Variants in EPB41L3 observed in about 807,000 individuals in gnomAD.
The protein encoded by EPB41L3 is erythrocyte membrane protein band 4.1 like 3.
In EPB41L3, 57 loss-of-function variants were observed where a neutral mutation model predicts 127.1. The ratio of observed to expected loss-of-function variants is 0.45; its 90% CI spans 0.36 to 0.56. EPB41L3 has a LOEUF of 0.56. Among genes scored for constraint, EPB41L3 ranks in the 20% least tolerant of loss-of-function variants. The pLI is 0.00. For synonymous variants in EPB41L3, 572 were observed against 549.5 expected, an observed-to-expected ratio of 1.04 and a Z score of -0.57; for missense variants, 1,273 against 1,372.2, an observed-to-expected ratio of 0.93 and a Z score of 1.14.
chr18:5,601,102 T>G (rs2094586227), intron 3 of EPB41L3, among the ~76,000 whole-genome samples: 1 of 152,082 alleles, frequency 6.6e-6, no homozygotes, highest in Non-Finnish European at 1.5e-5. Context: ...CTTTCCATGA[T>G]TCAGATATAT....
chr18:5,439,340 G>A (rs1402451702), intron 5 of EPB41L3, among the ~76,000 whole-genome samples: 1 of 152,032 alleles, frequency 6.6e-6, no homozygotes, highest in Non-Finnish European at 1.5e-5. Flanking sequence ...AATGACTTCT[G>A]GAAACTCCAT....
chr18:5,464,431 G>T (rs76791120), intron 3 of EPB41L3, among the ~76,000 whole-genome samples: 3 of 151,972 alleles, frequency 2.0e-5, no homozygotes, highest in Non-Finnish European at 4.4e-5. Context: ...TTCAAAATCT[G>T]GCCCCTAAAA....
chr18:5,465,429 T>C (rs910564300), intron 3 of EPB41L3, among the ~76,000 whole-genome samples: 3 of 152,368 alleles, frequency 2.0e-5, no homozygotes, highest in South Asian at 2.1e-4. Flanking sequence ...CGGTGTCTTA[T>C]ATATTATTAG....
At chr18:5,583,571 T>G (rs1215882119) in intron 3 of EPB41L3, among the ~76,000 whole-genome samples, 1 of 152,252 alleles carries the variant, frequency 6.6e-6, no homozygotes, top group Non-Finnish European at 1.5e-5. Flanking sequence ...CAGGAGCAAC[T>G]TCTTATTTCC....
intron 9 of EPB41L3, among the ~76,000 whole-genome samples, chr18:5,427,519 A>G (rs936742595): frequency 6.6e-6 from 1 of 152,160 alleles, no homozygotes; most frequent in African/African-American, 2.4e-5. Flanking sequence ...CAAACAAACA[A>G]ACAAACAAAC....
Position 5,433,909 on chromosome 18 carries a change from C to T in EPB41L3, c.818G>A (p.Ser273Asn). 6.2e-7 allele frequency: 1 copy of T among 1,614,234 alleles called. No individual in the cohort carries two copies. The highest frequency in any genetic ancestry group is 1.1e-5 in the South Asian group (1 of 91,084). ...ACACCTTTCTGCCTCTAACCTGTGGCTCTTGTGCAGCTCGATCACTTTGTC... is the reference window on the plus strand; with the variant it reads ...ACACCTTTCTGCCTCTAACCTGTGGTTCTTGTGCAGCTCGATCACTTTGTC... ...LEDKVIELHK[S>N]HRGMTPAEAE... Residue 273 changes from serine (S) to asparagine (N), a missense_variant, in exon 7 of 23, where the codon AGC becomes AAC. Coordinates refer to ENST00000341928, the MANE Select transcript of EPB41L3 (RefSeq NM_012307.5).
intron 3 of EPB41L3, among the ~76,000 whole-genome samples, chr18:5,593,183 T>C (rs2094502216): frequency 6.6e-6 from 1 of 151,356 alleles, no homozygotes; most frequent in African/African-American, 2.4e-5. Flanking sequence ...GATGCATAAT[T>C]CCCACCCACC....
At chr18:5,443,657 C>T (rs779256590) in intron 5 of EPB41L3, among the ~76,000 whole-genome samples, 181 bp downstream of exon 5, 2 of 152,204 alleles carry the variant, frequency 1.3e-5, no homozygotes, top group African/African-American at 2.4e-5. Context: ...CCAAGCATCA[C>T]GGTCCCTTTA....
intron 1 of EPB41L3, among the ~76,000 whole-genome samples, chr18:5,502,635 T>A (rs770062029): frequency 6.6e-6 from 1 of 152,112 alleles, no homozygotes; most frequent in East Asian, 1.9e-4. Context: ...GAGGAGAAGC[T>A]GAAAAGGAGG....
chr18:5,523,389 A>G (rs1243335209), intron 1 of EPB41L3, among the ~76,000 whole-genome samples: 1 of 152,242 alleles, frequency 6.6e-6, no homozygotes, highest in Non-Finnish European at 1.5e-5. Context: ...CAACACTCCA[A>G]ATTAGAAACA....
intron 1 of EPB41L3, among the ~76,000 whole-genome samples, chr18:5,495,172 A>C (rs2091031566): frequency 6.6e-6 from 1 of 152,236 alleles, no homozygotes; most frequent in Non-Finnish European, 1.5e-5. Flanking sequence ...CTTTTTGGCC[A>C]TGCTAAGTTC....
At chr18:5,545,965 G>T (rs1036793577), upstream of EPB41L3, among the ~76,000 whole-genome samples, 1 of 150,694 alleles carries the variant, frequency 6.6e-6, no homozygotes, top group African/African-American at 2.4e-5. Flanking sequence ...TTCCTTTTTT[G>T]CATGTACACT....
At chr18:5,568,488 A>G (rs550640447) in intron 3 of EPB41L3, among the ~76,000 whole-genome samples, 1 of 152,172 alleles carries the variant, frequency 6.6e-6, no homozygotes, top group African/African-American at 2.4e-5. Flanking sequence ...ACATCAAAGA[A>G]TCCTTTTGAA....
At chr18:5,625,067 C>T (rs1270927100) in intron 1 of EPB41L3, among the ~76,000 whole-genome samples, 2 of 152,002 alleles carry the variant, frequency 1.3e-5, no homozygotes, top group Non-Finnish European at 2.9e-5. Context: ...CTGTTGGGGC[C>T]TCGGGAGATC....
At chr18:5,618,907 T>C (rs557260207) in intron 1 of EPB41L3, among the ~76,000 whole-genome samples, 1 of 152,356 alleles carries the variant, frequency 6.6e-6, no homozygotes, top group South Asian at 2.1e-4. Context: ...TGAACCTCTC[T>C]CTGCAACTTC....
At chr18:5,534,975 A>T (rs1363093648) in intron 1 of EPB41L3, among the ~76,000 whole-genome samples, 1 of 152,072 alleles carries the variant, frequency 6.6e-6, no homozygotes, top group Non-Finnish European at 1.5e-5. Flanking sequence ...AGGATTCCCC[A>T]CCACTGGGCC....
chr18:5,602,578 G>T lies in EPB41L3; in HGVS notation c.-306+9762C>A, dbSNP rs191650122. ...TCCCATCTCAGCCTCCTGAGTAGCT[G>T]GGACTACAGGCATGTGCCACCATGC... On this transcript the variant is annotated intron_variant, in intron 3 of 21. Coordinates refer to the EPB41L3 transcript ENST00000545076. Among the ~76,000 whole-genome samples, 260 of 152,312 alleles carry T rather than the reference G, an allele frequency of 1.7e-3. 1 individual carries two copies. The highest frequency in any genetic ancestry group is 5.6e-3 in the South Asian group (27 of 4,830).
intron 3 of EPB41L3, among the ~76,000 whole-genome samples, chr18:5,605,539 T>G (rs2094641255): frequency 6.6e-6 from 1 of 152,076 alleles, no homozygotes; most frequent in Non-Finnish European, 1.5e-5. Flanking sequence ...CCACCACACC[T>G]GGCTGATGTT....
chr18:5,508,112 T>C (rs892952744), intron 1 of EPB41L3: 1 of 152,098 alleles, frequency 6.6e-6, no homozygotes, highest in Non-Finnish European at 1.5e-5. Flanking sequence ...AGAAAGACAA[T>C]GAAAATAAAT....
Sources: allele counts gnomAD v4.1 joint callset (sites outside exome capture counted in the v4.1 genomes callset), GRCh38; gene constraint gnomAD v4.1.1; transcripts MANE v1.5; gene names NCBI Gene and HGNC (gene_info 2026-07-23, HGNC 2026-07-21).